The following TBCE variants were observed in gnomAD, a reference collection of about 807,000 sequenced individuals.
TBCE encodes the protein tubulin folding cofactor E, also known as tubulin-specific chaperone E.
TBCE carries 53 observed loss-of-function variants against 77.0 expected under a neutral mutation model. The ratio of observed to expected loss-of-function variants is 0.69; its 90% CI spans 0.55 to 0.87. The LOEUF is 0.87. Ranked by LOEUF, TBCE falls within the 40% of genes least tolerant of loss-of-function variation. TBCE has a pLI of 0.00. For synonymous variants in TBCE, 235 were observed against 241.3 expected (o/e 0.97, Z 0.24); for missense variants, 624 against 622.4 (o/e 1.00, Z -0.03).
intron 11 of TBCE, 117 bp downstream of exon 11, chr1:235,436,725 C>A: frequency 3.0e-6 from 3 of 1,016,842 alleles, no homozygotes; most frequent in Non-Finnish European, 4.6e-6. Flanking sequence ...AAGAGAAATA[C>A]CTCCTCAGAG....
At chr1:235,381,220 G>T (rs544167512) in intron 2 of TBCE, among the ~76,000 whole-genome samples, 1 of 152,242 alleles carries the variant, frequency 6.6e-6, no homozygotes, top group East Asian at 1.9e-4. Flanking sequence ...CTGAGCTGCA[G>T]CCAGAGATCA....
At chr1:235,376,690 A>G (rs565983668) in intron 1 of TBCE, among the ~76,000 whole-genome samples, 21 of 152,122 alleles carry the variant, frequency 1.4e-4, no homozygotes, top group African/African-American at 4.8e-4. Context: ...CACATCATCT[A>G]AACTGGCCGG....
chr1:235,400,408 C>CTTT (rs71174425), intron 2 of TBCE, among the ~76,000 whole-genome samples: 3 of 106,050 alleles, frequency 2.8e-5, no homozygotes, highest in African/African-American at 1.3e-4. Context: ...TATTTTTCCT[C>CTTT]TTTTTTTTTT....
At chr1:235,384,555 G>T (rs1369823979) in intron 2 of TBCE, among the ~76,000 whole-genome samples, 1 of 149,152 alleles carries the variant, frequency 6.7e-6, no homozygotes, top group Non-Finnish European at 1.5e-5. Flanking sequence ...GAGGGTGTAT[G>T]TGTCGAGGAA....
At chr1:235,405,903 G>C (rs1242268592) in intron 3 of TBCE, among the ~76,000 whole-genome samples, 2 of 152,120 alleles carry the variant, frequency 1.3e-5, no homozygotes, top group African/African-American at 2.4e-5. Flanking sequence ...CAGCTCCAGT[G>C]TGATTATGGG....
chr1:235,435,181 A>G (rs180884022), intron 8 of TBCE, among the ~76,000 whole-genome samples: 2 of 151,904 alleles, frequency 1.3e-5, no homozygotes, highest in Non-Finnish European at 2.9e-5. Flanking sequence ...GCTCACTGCA[A>G]CCTCCACCTC....
At position 235,437,538 on chromosome 1, in the gene TBCE, G is replaced by A. The variant is rs140398642; in HGVS notation, c.1116+64G>A. The A allele has an allele frequency of 1.4e-4, 226 of 1,586,834 alleles. 1 individual carries two copies. In the East Asian group the frequency reaches 3.9e-3, roughly 27 times the overall value. ...GAAAATAAATGATTTTAGGCCAGGC[G>A]CCGTGGCTCACACCTGTAATCCCAG... is the stretch of plus-strand genomic sequence containing the variant. On this transcript the variant is annotated intron_variant, in intron 12 of 16. Transcript: ENST00000642610.
rs567201226 is a variant in TBCE at position 235,375,128 on chromosome 1, G to A, written c.-31-4891G>A. Reference sequence around the variant, plus strand: ...GTAGAGATGGGGTTTTGCTGTGTTAGCCAGGATGGTCTCAATCTCCTGACC... The same window carrying A: ...GTAGAGATGGGGTTTTGCTGTGTTAACCAGGATGGTCTCAATCTCCTGACC... On this transcript the variant is annotated intron_variant, in intron 1 of 16. Transcript: ENST00000642610. Among the ~76,000 whole-genome samples, 8 of 151,614 alleles carry A rather than the reference G, an allele frequency of 5.3e-5. No individual in the cohort carries two copies. In the South Asian group the frequency reaches 1.7e-3, roughly 31 times the overall value.
At chr1:235,435,941 A>C (rs1239391492) in intron 9 of TBCE, 101 bp downstream of exon 9, 2 of 1,049,156 alleles carry the variant, frequency 1.9e-6, no homozygotes, top group Non-Finnish European at 2.9e-6. Context: ...ACGTGGTAAC[A>C]ATGATGGAAT....
At position 235,434,414 on chromosome 1, in the gene TBCE, A is replaced by T. The variant is rs1274690231; in HGVS notation, c.737+134A>T. The T allele has an allele frequency of 6.0e-5, 47 of 781,148 alleles. No homozygotes were observed. In the East Asian group the frequency reaches 1.2e-3, roughly 20 times the overall value. The allele number at this position is 781,148 out of a possible 1,614,324, so 48.4% of individuals were successfully genotyped here. A position where few individuals can be genotyped will look rare whatever the true frequency, so the allele number is the denominator to read the frequency against. On this transcript the variant is annotated intron_variant, in intron 8 of 16. Transcript: ENST00000642610. ...GAATTAGGAAAAATGCTTATTATTC[A>T]TTGCCTTCACAAATTAGAATTTCAC...
chr1:235,409,847 A>G (rs372195379), intron 3 of TBCE, among the ~76,000 whole-genome samples: 2 of 24,486 alleles, frequency 8.2e-5, no homozygotes, highest in African/African-American at 6.8e-4. Flanking sequence ...TATCTAACAC[A>G]GTGAAACCCC....
intron 1 of TBCE, among the ~76,000 whole-genome samples, chr1:235,368,874 CT>C (rs1213958834): frequency 6.6e-6 from 1 of 151,944 alleles, no homozygotes; most frequent in Non-Finnish European, 1.5e-5. Flanking sequence ...CCCAGTCTGC[CT>C]TTTGACTAGC....
At chr1:235,416,438 A>G (rs1680120275) in intron 4 of TBCE, among the ~76,000 whole-genome samples, 1 of 151,972 alleles carries the variant, frequency 6.6e-6, no homozygotes, top group Non-Finnish European at 1.5e-5. Flanking sequence ...AGGTGGGAAG[A>G]TCACCTGAAC....
intron 1 of TBCE, among the ~76,000 whole-genome samples, chr1:235,371,038 C>CCTTT (rs1676910483): frequency 4.3e-5 from 1 of 23,310 alleles, no homozygotes; most frequent in African/African-American, 1.3e-4. Context: ...TCACGCCTGG[C>CCTTT]TTTTTTTTTT....
At chr1:235,422,933 A>T (rs931523468) in intron 5 of TBCE, among the ~76,000 whole-genome samples, 2 of 152,244 alleles carry the variant, frequency 1.3e-5, no homozygotes, top group African/African-American at 4.8e-5. Context: ...TTGTTTGTTT[A>T]TACTGCACTT....
intron 2 of TBCE, among the ~76,000 whole-genome samples, chr1:235,385,010 T>C (rs1572334893): frequency 6.6e-6 from 1 of 152,200 alleles, no homozygotes; most frequent in East Asian, 1.9e-4. Context: ...GATTCTGGTA[T>C]GTTGTGTCTT....
intron 15 of TBCE, among the ~76,000 whole-genome samples, chr1:235,445,475 T>A (rs2102945881): frequency 6.6e-6 from 1 of 151,852 alleles, no homozygotes; most frequent in South Asian, 2.1e-4. Context: ...CAAAAATAAA[T>A]AAATACAAAA....
chr1:235,450,249 A>G lies in TBCE; in HGVS notation c.*1487A>G. The G allele has an allele frequency of 5.0e-6, 8 of 1,614,150 alleles. No homozygotes were observed. Among genetic ancestry groups the G allele is most frequent in the Non-Finnish European group, 6.8e-6 (8 of 1,180,016 alleles). The stretch of plus-strand genomic sequence containing the variant: ...ACAAGGATCACCGCACCGTTCCTTC[A>G]GTTTCCACAGTTCCGTCAGTTCCCA... On this transcript the variant is annotated 3_prime_UTR_variant, in exon 17 of 17. Coordinates refer to ENST00000642610, the MANE Select transcript of TBCE (RefSeq NM_003193.5).
At chr1:235,427,467 C>T (rs1680790323) in intron 6 of TBCE, among the ~76,000 whole-genome samples, 1 of 152,184 alleles carries the variant, frequency 6.6e-6, no homozygotes. Flanking sequence ...CTTTCTAACA[C>T]AAGCAGCCTG....
Sources: gnomAD v4.1 joint callset for allele counts (sites outside exome capture counted in the v4.1 genomes callset) on GRCh38, gnomAD v4.1.1 for gene constraint, MANE v1.5 for transcripts, NCBI Gene and HGNC (gene_info 2026-07-23, HGNC 2026-07-21) for gene names.